SLC22A25: variants seen among roughly 807,000 people sequenced by gnomAD.
SLC22A25 encodes the protein MGI:2442751, MGI:2385316, MGI:3042283, MGI:3645714, MGI:3605624, MGI:2442750.
In SLC22A25, 44 loss-of-function variants were observed where a neutral mutation model predicts 45.9. That is an observed-to-expected ratio of 0.96 (90% CI 0.75 to 1.23). The LOEUF (loss-of-function observed/expected upper bound fraction) is 1.23. SLC22A25 is among the 50% of genes most tolerant of loss of function. The pLI is 0.00. For synonymous variants in SLC22A25, 283 were observed against 238.6 expected (o/e 1.19, Z -1.72); for missense variants, 800 against 666.4 (o/e 1.20, Z -2.21).
chr11:63,165,866 A>G (rs945526237), intron 10 of SLC22A25, among the ~76,000 whole-genome samples, 178 bp downstream of exon 10: 1 of 152,136 alleles, frequency 6.6e-6, no homozygotes, highest in Non-Finnish European at 1.5e-5. Context: ...CTCATCTTTG[A>G]CTCATTTCCC....
In SLC22A25 at chr11:63,242,602, T is replaced by C. The variant is rs574922003; in HGVS notation, c.-996+832A>G. ...CCTGTGTGATTGTGATATAGCCAGC[T>C]GGAGGGTGGGTCTGCCTCTCCCAGT... On this transcript the variant is annotated intron_variant, in intron 1 of 11. Coordinates refer to ENST00000306494, the MANE Select transcript of SLC22A25 (RefSeq NM_199352.6). Among the ~76,000 whole-genome samples, 9 of 152,324 alleles carry C rather than the reference T, an allele frequency of 5.9e-5. No individual in the cohort carries two copies. The South Asian group carries it at 1.9e-3, about 32-fold the overall frequency.
intron 7 of SLC22A25, among the ~76,000 whole-genome samples, chr11:63,189,242 A>G (rs1311901188): frequency 2.0e-5 from 3 of 152,184 alleles, no homozygotes; most frequent in Admixed American, 2.0e-4. Flanking sequence ...TATTGGGCAC[A>G]TATATATTTA....
At chr11:63,225,149 GT>G (rs1194239291) in intron 5 of SLC22A25, among the ~76,000 whole-genome samples, 1 of 152,026 alleles carries the variant, frequency 6.6e-6, no homozygotes, top group Non-Finnish European at 1.5e-5. Flanking sequence ...TAAAAAAGTT[GT>G]TTTAGTTAGT....
At chr11:63,209,973 AG>A (rs2134798017) in intron 7 of SLC22A25, among the ~76,000 whole-genome samples, 1 of 152,336 alleles carries the variant, frequency 6.6e-6, no homozygotes, top group South Asian at 2.1e-4. Context: ...GCAGCTATAT[AG>A]AAAGGCACTC....
At chr11:63,181,920 T>C (rs1296760134) in intron 8 of SLC22A25, among the ~76,000 whole-genome samples, 1 of 152,110 alleles carries the variant, frequency 6.6e-6, no homozygotes, top group Non-Finnish European at 1.5e-5. Flanking sequence ...ACCCTTTAAC[T>C]ATCTCTCAGT....
At chr11:63,234,648 G>A (rs1454435453) in intron 3 of SLC22A25, among the ~76,000 whole-genome samples, 1 of 152,090 alleles carries the variant, frequency 6.6e-6, no homozygotes, top group Non-Finnish European at 1.5e-5. Flanking sequence ...TTTAAGGTTA[G>A]TATTGTTATG....
intron 5 of SLC22A25, among the ~76,000 whole-genome samples, chr11:63,225,800 G>A (rs1454437912): frequency 6.6e-6 from 1 of 151,992 alleles, no homozygotes; most frequent in South Asian, 2.1e-4. Flanking sequence ...TAGATGTTGT[G>A]GGAGTGCTTC....
Position 63,165,460 on chromosome 11 carries a change from G to C in SLC22A25, c.1285+584C>G, listed in dbSNP as rs1174400620. Among the ~76,000 whole-genome samples the C allele has an allele frequency of 5.3e-5, 8 of 152,312 alleles. No homozygotes were observed. In the East Asian group the frequency reaches 1.5e-3, roughly 29 times the overall value. ...TAATTTATGAATTCTAAGATTCTAA[G>C]AGAAGGTCTTAATTGACAATTGTCT... On this transcript the variant is annotated intron_variant, in intron 10 of 11. Coordinates refer to ENST00000306494, the MANE Select transcript of SLC22A25 (RefSeq NM_199352.6).
At chr11:63,195,153 T>C (rs1233297189) in intron 7 of SLC22A25, among the ~76,000 whole-genome samples, 1 of 151,976 alleles carries the variant, frequency 6.6e-6, no homozygotes, top group Non-Finnish European at 1.5e-5. Context: ...ACAATAATAA[T>C]GGGAGACTTT....
intron 5 of SLC22A25, chr11:63,218,340 G>A (rs75008339): frequency 0.025 from 5,998 of 244,384 alleles, 371 homozygotes; most frequent in African/African-American, 0.13. Flanking sequence ...AGATGCTGGG[G>A]ACTACAAGAG....
chr11:63,233,942 A>G (rs951697527), intron 3 of SLC22A25, among the ~76,000 whole-genome samples: 14 of 152,238 alleles, frequency 9.2e-5, no homozygotes, highest in East Asian at 7.7e-4. Flanking sequence ...GTAGTTGAGC[A>G]GTTTTGAGTG....
At chr11:63,180,570 T>C in intron 9 of SLC22A25, 90 bp downstream of exon 9, 1 of 894,930 alleles carries the variant, frequency 1.1e-6, no homozygotes, top group Non-Finnish European at 1.7e-6. Flanking sequence ...CCCCCAAATA[T>C]TTTCCTTCAA....
intron 7 of SLC22A25, among the ~76,000 whole-genome samples, chr11:63,196,714 C>T (rs985906857): frequency 2.6e-5 from 4 of 152,188 alleles, no homozygotes; most frequent in African/African-American, 9.7e-5. Flanking sequence ...GATGCCTTCT[C>T]TCACCAGTCC....
rs1565051838 is a variant in SLC22A25 at position 63,158,645 on chromosome 11, T to C, written c.*5179A>G. ...GTTATTTTAAAATGTACAATTAAATTATTTTGACTACAGCACCCTGTTGTG... is the reference window on the plus strand; with the variant it reads ...GTTATTTTAAAATGTACAATTAAATCATTTTGACTACAGCACCCTGTTGTG... On this transcript the variant is annotated 3_prime_UTR_variant, in exon 12 of 12. Transcript: ENST00000306494. 1.3e-5 allele frequency among the ~76,000 whole-genome samples: 2 copies of C among 152,204 alleles called. No individual in the cohort carries two copies. Among genetic ancestry groups the C allele is most frequent in the Non-Finnish European group, 2.9e-5 (2 of 68,036 alleles).
At chr11:63,167,470 C>T (rs1225805819) in intron 9 of SLC22A25, 1 of 152,282 alleles carries the variant, frequency 6.6e-6, no homozygotes, top group African/African-American at 2.4e-5. Context: ...GGATGATCAA[C>T]CTTGGTGGGA....
intron 7 of SLC22A25, among the ~76,000 whole-genome samples, chr11:63,186,159 G>A (rs9735585): frequency 0.99 from 106,623 of 107,416 alleles, 52,925 homozygotes; most frequent in Middle Eastern, 1. Context: ...CAGTCCCACC[G>A]ACAGTGTAAA....
intron 5 of SLC22A25, chr11:63,218,111 A>G (rs2089765656): frequency 2.1e-6 from 1 of 467,380 alleles, no homozygotes; most frequent in African/African-American, 2.0e-5. Flanking sequence ...CACAGTAGCA[A>G]AGGCATGGAA....
chr11:63,174,172 A>T (rs1364142132), intron 9 of SLC22A25, among the ~76,000 whole-genome samples: 1 of 151,934 alleles, frequency 6.6e-6, no homozygotes, highest in Non-Finnish European at 1.5e-5. Context: ...TGATCTTGTG[A>T]GTTTGCTGAG....
intron 7 of SLC22A25, among the ~76,000 whole-genome samples, chr11:63,190,086 T>C (rs1376514265): frequency 6.6e-6 from 1 of 152,220 alleles, no homozygotes; most frequent in Non-Finnish European, 1.5e-5. Flanking sequence ...ATTTGAATGT[T>C]GGCCTGCCTT....
Sources: gnomAD v4.1 joint callset for allele counts (sites outside exome capture counted in the v4.1 genomes callset) on GRCh38, gnomAD v4.1.1 for gene constraint, MANE v1.5 for transcripts, NCBI Gene and HGNC (gene_info 2026-07-23, HGNC 2026-07-21) for gene names.